FHIP2A: variants seen among roughly 807,000 people sequenced by gnomAD.
FHIP2A encodes FHF complex subunit HOOK interacting protein 2A, also known as family with sequence similarity 160 member B1.
FHIP2A carries 46 observed loss-of-function variants against 93.5 expected under a neutral mutation model. That is an observed-to-expected ratio of 0.49 (90% CI 0.39 to 0.63). The LOEUF (loss-of-function observed/expected upper bound fraction) is 0.63, where lower values mean the gene tolerates loss of function less well. Ranked by LOEUF, FHIP2A falls within the 20% of genes least tolerant of loss-of-function variation. The pLI is 0.00. For synonymous variants in FHIP2A, 332 were observed against 326.5 expected, an observed-to-expected ratio of 1.02 and a Z score of -0.18; for missense variants, 769 against 909.7, an observed-to-expected ratio of 0.85 and a Z score of 1.99.
intron 13 of FHIP2A, among the ~76,000 whole-genome samples, chr10:114,853,508 A>C (rs2083748490): frequency 6.6e-6 from 1 of 152,220 alleles, no homozygotes; most frequent in Non-Finnish European, 1.5e-5. Flanking sequence ...TAAAGTAAAG[A>C]CAATAAAAGT....
Position 114,833,302 on chromosome 10 carries a change from A to G in FHIP2A, c.194A>G (p.Gln65Arg). ...GAACAGATGTTAGATATACTGGTTC[A>G]AGAAGAAAATGAACGGGAATCTGGA... ...HLEQMLDILV[Q>R]EENERESGET... Residue 65 changes from glutamine to arginine, a missense_variant, in exon 3 of 17, where the codon CAA becomes CGA. Physicochemically the swap from Gln to Arg is conservative, Grantham distance 43. Coordinates refer to ENST00000369248, the MANE Select transcript of FHIP2A (RefSeq NM_020940.4). The G allele has an allele frequency of 6.2e-7, 1 of 1,613,850 alleles. No individual in the cohort carries two copies. Among genetic ancestry groups the G allele is most frequent in the Non-Finnish European group, 8.5e-7 (1 of 1,179,748 alleles).
downstream of FHIP2A, among the ~76,000 whole-genome samples, chr10:114,869,332 A>G (rs1040958221): frequency 2.6e-5 from 4 of 152,196 alleles, no homozygotes; most frequent in African/African-American, 9.7e-5. Flanking sequence ...TGTTTAAAGT[A>G]TGCTCTTCTA....
exon 17 of FHIP2A, chr10:114,899,617 C>G (rs533651226): frequency 1.4e-6 from 1 of 699,002 alleles, no homozygotes; most frequent in Admixed American, 2.1e-5. Flanking sequence ...ACTGCCCACC[C>G]TTGAACCAAT....
At chr10:114,832,435 C>T (rs986611312) in intron 2 of FHIP2A, among the ~76,000 whole-genome samples, 2 of 152,148 alleles carry the variant, frequency 1.3e-5, no homozygotes, top group Admixed American at 6.5e-5. Flanking sequence ...TACAAAGTAA[C>T]GTAGTAGCAA....
chr10:114,835,618 A>C lies in FHIP2A; in HGVS notation c.376A>C (p.Ile126Leu). Residue 126 changes from isoleucine (I) to leucine (L), a missense_variant, in exon 4 of 17, where the codon ATT becomes CTT. Transcript: ENST00000369248. Reference sequence around the variant, plus strand: ...AATCCGGCAGCCACTACTTCCACACATTAACGTGCACAGGCCAGTGCAGGT... The same window carrying C: ...AATCCGGCAGCCACTACTTCCACACCTTAACGTGCACAGGCCAGTGCAGGT... ...GRIRQPLLPHINVHRPVQKLI... is the reference protein window; with the variant it reads ...GRIRQPLLPHLNVHRPVQKLI... The C allele has an allele frequency of 6.2e-7, 1 of 1,612,206 alleles. No individual in the cohort carries two copies. The highest frequency in any genetic ancestry group is 1.1e-5 in the South Asian group (1 of 90,950).
chr10:114,881,270 G>T (rs887554546), intron 16 of FHIP2A, among the ~76,000 whole-genome samples: 1 of 152,194 alleles, frequency 6.6e-6, no homozygotes, highest in Non-Finnish European at 1.5e-5. Flanking sequence ...CAAGTTGACT[G>T]TTAGGTCACA....
Position 114,835,562 on chromosome 10 carries a change from T to C in FHIP2A, c.320T>C (p.Val107Ala). 6.2e-7 allele frequency: 1 copy of C among 1,613,034 alleles called. No homozygotes were observed. The highest frequency in any genetic ancestry group is 8.5e-7 in the Non-Finnish European group (1 of 1,179,136). The change falls in exon 4 of 17, where the codon GTT becomes GCT. Residue 107 changes from valine (V) to alanine (A), a missense_variant. Physicochemically the swap from Val to Ala is moderately conservative, Grantham distance 64 (BLOSUM62 0). Transcript: ENST00000369248. ...TGTCCTCCGGGAATGAAACAGCAGGTTTTGGTTTTCTATACGAAACTTCTG... is the reference window on the plus strand; with the variant it reads ...TGTCCTCCGGGAATGAAACAGCAGGCTTTGGTTTTCTATACGAAACTTCTG... Reference protein sequence around the residue: ...ADCPPGMKQQVLVFYTKLLGR... With the variant: ...ADCPPGMKQQALVFYTKLLGR...
chr10:114,880,843 TC>T (rs1388729199), intron 16 of FHIP2A, among the ~76,000 whole-genome samples: 3 of 152,198 alleles, frequency 2.0e-5, no homozygotes, highest in Non-Finnish European at 2.9e-5. Flanking sequence ...ATACAAGGCT[TC>T]GCTTCAGAGA....
intron 16 of FHIP2A, among the ~76,000 whole-genome samples, chr10:114,871,687 G>C (rs1235636394): frequency 6.6e-6 from 1 of 152,056 alleles, no homozygotes; most frequent in Non-Finnish European, 1.5e-5. Flanking sequence ...CCAATCTAGC[G>C]AGGGGATCCA....
At chr10:114,832,347 T>C (rs1225673647) in intron 2 of FHIP2A, among the ~76,000 whole-genome samples, 1 of 152,208 alleles carries the variant, frequency 6.6e-6, no homozygotes, top group Admixed American at 6.5e-5. Context: ...GTAATTTTAA[T>C]AGAGGGTTTT....
downstream of FHIP2A, among the ~76,000 whole-genome samples, chr10:114,868,745 T>C (rs2083843224): frequency 6.6e-6 from 1 of 152,156 alleles, no homozygotes; most frequent in African/African-American, 2.4e-5. Flanking sequence ...TTGAATTTTG[T>C]AGCTGTAAGT....
intron 2 of FHIP2A, among the ~76,000 whole-genome samples, chr10:114,831,675 T>C (rs1037338161): frequency 1.3e-5 from 2 of 152,224 alleles, no homozygotes; most frequent in African/African-American, 2.4e-5. Flanking sequence ...TTTCTTGAAT[T>C]CTTTGTGCTA....
chr10:114,838,373 C>G (rs1330991646), intron 5 of FHIP2A, among the ~76,000 whole-genome samples: 4 of 152,102 alleles, frequency 2.6e-5, no homozygotes, highest in Non-Finnish European at 5.9e-5. Flanking sequence ...GCCCTTAACA[C>G]TCATCATGCG....
chr10:114,824,347 T>C (rs1395313761), intron 1 of FHIP2A, among the ~76,000 whole-genome samples: 1 of 152,258 alleles, frequency 6.6e-6, no homozygotes. Flanking sequence ...TATAATTGTA[T>C]ATATTAGCAT....
chr10:114,844,944 C>T (rs2146805), intron 7 of FHIP2A, among the ~76,000 whole-genome samples: 61,325 of 149,462 alleles, frequency 0.41, 13,141 homozygotes, highest in Non-Finnish European at 0.48. Flanking sequence ...GCCACCATGC[C>T]CAGCTAATTT....
rs748106667 is a variant in FHIP2A, at chr10:114,846,212, C to A, written c.1243C>A (p.His415Asn). The A allele has an allele frequency of 6.2e-7, 1 of 1,614,186 alleles. No homozygotes were observed. The highest frequency in any genetic ancestry group is 8.5e-7 in the Non-Finnish European group (1 of 1,180,032). The change falls in exon 10 of 17, where the codon CAT becomes AAT. Residue 415 changes from histidine to asparagine, a missense_variant. Coordinates refer to ENST00000369248, the MANE Select transcript of FHIP2A (RefSeq NM_020940.4). ...TATTCTCACATCCACTGCTCTGCTT[C>A]ATCGCATCGTTCGGCAAGTGACCTC... ...MGILTSTALL[H>N]RIVRQVTSDV...
chr10:114,856,926 C>T (rs1400807672), intron 14 of FHIP2A, among the ~76,000 whole-genome samples: 1 of 152,054 alleles, frequency 6.6e-6, no homozygotes, highest in African/African-American at 2.4e-5. Context: ...GGAGCCCCGT[C>T]TGAAACCTTT....
chr10:114,838,324 A>C (rs936360116), intron 5 of FHIP2A, among the ~76,000 whole-genome samples: 4 of 152,154 alleles, frequency 2.6e-5, no homozygotes, highest in African/African-American at 9.7e-5. Context: ...GTAAAATTTC[A>C]TGAATTTAAA....
chr10:114,826,260 A>G (rs989576794), intron 1 of FHIP2A, among the ~76,000 whole-genome samples: 2 of 152,220 alleles, frequency 1.3e-5, no homozygotes, highest in Non-Finnish European at 2.9e-5. Flanking sequence ...AAACAAATAT[A>G]CAAGTTAGAT....
Sources: allele counts gnomAD v4.1 joint callset (sites outside exome capture counted in the v4.1 genomes callset), GRCh38; gene constraint gnomAD v4.1.1; transcripts MANE v1.5; gene names NCBI Gene and HGNC (gene_info 2026-07-23, HGNC 2026-07-21).